PRKN: variants seen among roughly 807,000 people sequenced by gnomAD.
PRKN encodes E3 ubiquitin-protein ligase parkin.
A neutral mutation model predicts 59.5 loss-of-function variants in PRKN; 56 were observed. The observed-to-expected ratio is 0.94, with a 90% confidence interval of 0.76 to 1.18. The LOEUF is 1.18. PRKN is among the 50% of genes most tolerant of loss of function. The probability of loss-of-function intolerance (pLI) is 0.00; values close to 1 mark genes in which losing one functional copy is unlikely to be tolerated. For synonymous variants in PRKN, 250 were observed against 222.1 expected, an observed-to-expected ratio of 1.13 and a Z score of -1.12; for missense variants, 657 against 596.4, an observed-to-expected ratio of 1.10 and a Z score of -1.06.
chr6:162,274,191 T>TAA (rs1450152037), intron 2 of PRKN, among the ~76,000 whole-genome samples: 16 of 151,974 alleles, frequency 1.1e-4, no homozygotes, highest in South Asian at 6.2e-4. Context: ...ATGTATTTAT[T>TAA]TATTTATTTA....
In PRKN at chr6:162,721,927, G is replaced by A. The variant is rs193175014; in HGVS notation, c.7+5735C>T. Among the ~76,000 whole-genome samples, 34 of 152,310 alleles carry A rather than the reference G, an allele frequency of 2.2e-4. No individual in the cohort carries two copies. In the East Asian group the frequency reaches 6.6e-3, roughly 29 times the overall value. ...AGAAAGAAAGGGCATTCAGATCAAC[G>A]AGAATCAAATGAACAAAAGAAACAT... On this transcript the variant is annotated intron_variant, in intron 1 of 11. Coordinates refer to ENST00000366898, the MANE Select transcript of PRKN (RefSeq NM_004562.3).
chr6:162,479,895 T>C (rs1209628242), intron 1 of PRKN, among the ~76,000 whole-genome samples: 3 of 151,850 alleles, frequency 2.0e-5, no homozygotes, highest in Non-Finnish European at 4.4e-5. Flanking sequence ...TGAAACCTCG[T>C]CTCTACTGAA....
intron 4 of PRKN, among the ~76,000 whole-genome samples, chr6:162,080,818 T>C (rs1007523405): frequency 1.3e-5 from 2 of 152,126 alleles, no homozygotes; most frequent in Admixed American, 1.3e-4. Flanking sequence ...CATGTCATTC[T>C]GTCTGACAGC....
At chr6:162,291,569 C>A (rs889186645) in intron 2 of PRKN, among the ~76,000 whole-genome samples, 1 of 152,080 alleles carries the variant, frequency 6.6e-6, no homozygotes, top group African/African-American at 2.4e-5. Flanking sequence ...CCACACATTT[C>A]GAGATGCCTC....
intron 2 of PRKN, among the ~76,000 whole-genome samples, chr6:162,414,667 C>T (rs946436145): frequency 1.4e-5 from 2 of 140,514 alleles, no homozygotes; most frequent in Non-Finnish European, 3.0e-5. Flanking sequence ...ACCAAGATCG[C>T]ACCACTGCAC....
intron 1 of PRKN, among the ~76,000 whole-genome samples, chr6:162,618,151 G>A (rs2846529): frequency 0.61 from 93,139 of 151,936 alleles, 29,258 homozygotes; most frequent in African/African-American, 0.75. Context: ...TGAAACTGAA[G>A]TCATTTTTTA....
At chr6:161,843,297 C>A (rs1017641503) in intron 6 of PRKN, among the ~76,000 whole-genome samples, 1 of 152,190 alleles carries the variant, frequency 6.6e-6, no homozygotes, top group Non-Finnish European at 1.5e-5. Flanking sequence ...GCCACTGAAG[C>A]CACCTTCTGT....
chr6:161,562,705 G>A lies in PRKN; in HGVS notation c.933+6650C>T, dbSNP rs1048712868. Among the ~76,000 whole-genome samples the A allele has an allele frequency of 1.3e-5, 2 of 152,132 alleles. No homozygotes were observed. Among genetic ancestry groups the A allele is most frequent in the Admixed American group, 1.3e-4 (2 of 15,268 alleles). ...CCATTTTGCTCATCTCAGTCAAATA[G>A]AACTTTCAAACTCCTTCCTTTCCCT... is the stretch of plus-strand genomic sequence containing the variant. On this transcript the variant is annotated intron_variant, in intron 8 of 11. Coordinates refer to ENST00000366898, the MANE Select transcript of PRKN (RefSeq NM_004562.3). The surrounding 1 kb of genome is among the most constrained non-coding windows in gnomAD (Gnocchi z 4.3).
At chr6:161,570,120 T>C (rs1191929652) in intron 7 of PRKN, among the ~76,000 whole-genome samples, 4 of 27,188 alleles carry the variant, frequency 1.5e-4, no homozygotes, top group Non-Finnish European at 3.0e-4. Flanking sequence ...AGTAAGTAAA[T>C]AGGTAAAAAA....
intron 1 of PRKN, among the ~76,000 whole-genome samples, chr6:162,544,608 T>G (rs1181031786): frequency 1.3e-5 from 2 of 152,026 alleles, no homozygotes; most frequent in African/African-American, 2.4e-5. Flanking sequence ...TTTAAATGTA[T>G]GCACAGAATG....
chr6:162,233,040 T>C (rs1778490582), intron 3 of PRKN, among the ~76,000 whole-genome samples: 16 of 152,180 alleles, frequency 1.1e-4, no homozygotes, highest in Admixed American at 1.0e-3. Flanking sequence ...AATGAACAAC[T>C]ATATTTCCTT....
chr6:161,803,027 A>T (rs1791154867), intron 6 of PRKN, among the ~76,000 whole-genome samples: 1 of 152,200 alleles, frequency 6.6e-6, no homozygotes, highest in African/African-American at 2.4e-5. Context: ...GAAAACTCCC[A>T]TGTGAAAGAC....
At chr6:162,082,771 A>G (rs1779106858) in intron 4 of PRKN, among the ~76,000 whole-genome samples, 1 of 151,952 alleles carries the variant, frequency 6.6e-6, no homozygotes, top group African/African-American at 2.4e-5. Flanking sequence ...ATGTTGTCTG[A>G]GGAAATAGGG....
intron 8 of PRKN, among the ~76,000 whole-genome samples, chr6:161,553,214 G>A (rs767541758): frequency 6.6e-6 from 1 of 151,288 alleles, no homozygotes; most frequent in African/African-American, 2.4e-5. Flanking sequence ...GTGACCTACA[G>A]AGTTTCCCAG....
intron 2 of PRKN, among the ~76,000 whole-genome samples, chr6:162,284,506 G>A (rs1781091315): frequency 6.6e-6 from 1 of 152,060 alleles, no homozygotes; most frequent in Non-Finnish European, 1.5e-5. Flanking sequence ...TTACAGGCGT[G>A]AGCCACCGCA....
intron 2 of PRKN, among the ~76,000 whole-genome samples, chr6:162,417,370 C>T (rs1788685807): frequency 6.6e-6 from 1 of 152,188 alleles, no homozygotes; most frequent in African/African-American, 2.4e-5. Flanking sequence ...CCCCCGGCAG[C>T]CGGGCATCCC....
At chr6:162,571,853 T>C (rs1158705865) in intron 1 of PRKN, among the ~76,000 whole-genome samples, 1 of 152,168 alleles carries the variant, frequency 6.6e-6, no homozygotes, top group African/African-American at 2.4e-5. Context: ...GTAACTGCAC[T>C]ATCAATAAAA....
chr6:162,458,182 G>C (rs1490398779), intron 1 of PRKN, among the ~76,000 whole-genome samples: 1 of 138,570 alleles, frequency 7.2e-6, no homozygotes, highest in Non-Finnish European at 1.6e-5. Flanking sequence ...CTTGAACCTG[G>C]GAGGTAGAGG....
intron 7 of PRKN, among the ~76,000 whole-genome samples, chr6:161,771,372 TAAAATAA>T (rs1789680177): frequency 8.1e-5 from 3 of 36,960 alleles, no homozygotes; most frequent in South Asian, 6.3e-4. Flanking sequence ...AAAAAAAAAA[TAAAATAA>T]AATAAAATAA....
Sources: gnomAD v4.1 joint callset for allele counts (sites outside exome capture counted in the v4.1 genomes callset) on GRCh38, gnomAD v4.1.1 for gene constraint, Gnocchi (gnomAD v3.1) non-coding constraint, MANE v1.5 for transcripts, NCBI Gene and HGNC (gene_info 2026-07-23, HGNC 2026-07-21) for gene names.